Variants in WWTR1 observed in about 807,000 individuals in gnomAD.
The protein encoded by WWTR1 is WW domain containing transcription regulator 1, also known as WW domain-containing transcription regulator protein 1.
A neutral mutation model predicts 40.1 loss-of-function variants in WWTR1; 13 were observed. The ratio of observed to expected loss-of-function variants is 0.32; its 90% CI spans 0.21 to 0.52. WWTR1 has a LOEUF of 0.52. WWTR1 is among the 20% of genes least tolerant of loss of function. The pLI is 0.97. For synonymous variants in WWTR1, 230 were observed against 210.1 expected, an observed-to-expected ratio of 1.09 and a Z score of -0.82; for missense variants, 436 against 523.1, an observed-to-expected ratio of 0.83 and a Z score of 1.63.
chr3:149,532,647 G>C (rs987111652), intron 4 of WWTR1, among the ~76,000 whole-genome samples: 2 of 151,996 alleles, frequency 1.3e-5, no homozygotes, highest in East Asian at 3.8e-4. Flanking sequence ...TACAAAACCC[G>C]AGGTCTGAAA....
intron 1 of WWTR1, among the ~76,000 whole-genome samples, chr3:149,691,674 CA>C (rs201524355): frequency 5.3e-5 from 8 of 149,944 alleles, no homozygotes; most frequent in African/African-American, 1.5e-4. Context: ...AGTATGCCAG[CA>C]AAAAAAAACC....
chr3:149,539,027 T>G (rs139295259), intron 4 of WWTR1, among the ~76,000 whole-genome samples: 16 of 152,348 alleles, frequency 1.1e-4, no homozygotes, highest in African/African-American at 3.6e-4. Flanking sequence ...TTTAGATTTG[T>G]AATCAAAGTT....
intron 2 of WWTR1, among the ~76,000 whole-genome samples, chr3:149,643,879 ACT>A (rs1412162224): frequency 2.0e-5 from 3 of 151,334 alleles, no homozygotes; most frequent in African/African-American, 4.9e-5. Flanking sequence ...TCCACGCACC[ACT>A]CTCTGGATTT....
At chr3:149,630,629 G>A (rs980882846) in intron 2 of WWTR1, among the ~76,000 whole-genome samples, 8 of 152,148 alleles carry the variant, frequency 5.3e-5, no homozygotes, top group Admixed American at 3.9e-4. Flanking sequence ...TGCACTTATT[G>A]GGCAGGTAAA....
intron 4 of WWTR1, among the ~76,000 whole-genome samples, chr3:149,719,471 T>G (rs1715704481): frequency 6.6e-6 from 1 of 152,136 alleles, no homozygotes; most frequent in Non-Finnish European, 1.5e-5. Flanking sequence ...TGCCCAGCCT[T>G]AAGGCTGAAC....
intron 1 of WWTR1, among the ~76,000 whole-genome samples, chr3:149,696,782 T>A (rs1715008257): frequency 6.6e-6 from 1 of 152,184 alleles, no homozygotes; most frequent in South Asian, 2.1e-4. Flanking sequence ...TAGAATGTGA[T>A]CACATCACTC....
chr3:149,709,556 C>T (rs1198622354), intron 5 of WWTR1, among the ~76,000 whole-genome samples: 2 of 152,130 alleles, frequency 1.3e-5, no homozygotes, highest in Non-Finnish European at 2.9e-5. Flanking sequence ...ATTATAACAG[C>T]TGCATTTTTT....
chr3:149,675,249 A>T (rs902006166), intron 1 of WWTR1, among the ~76,000 whole-genome samples: 6 of 152,202 alleles, frequency 3.9e-5, no homozygotes, highest in African/African-American at 1.4e-4. Context: ...CCAGTGACTG[A>T]TTGTTTTTAA....
At chr3:149,594,712 G>GAC (rs571320582) in intron 2 of WWTR1, among the ~76,000 whole-genome samples, 5 of 149,992 alleles carry the variant, frequency 3.3e-5, no homozygotes, top group Admixed American at 2.7e-4. Flanking sequence ...GGGGAAAACA[G>GAC]ACACACACAC....
chr3:149,636,529 T>C (rs1445681794), intron 2 of WWTR1, among the ~76,000 whole-genome samples: 1 of 152,172 alleles, frequency 6.6e-6, no homozygotes, highest in Non-Finnish European at 1.5e-5. Flanking sequence ...TTTTTTAGAA[T>C]TTATAGTCGG....
At chr3:149,521,069 C>G (rs1213643364) in intron 6 of WWTR1, 80 bp from the exon 7 acceptor site, 10 of 1,433,648 alleles carry the variant, frequency 7.0e-6, no homozygotes, top group African/African-American at 1.4e-5. Flanking sequence ...ATTTACATAA[C>G]CCTCACCTTC....
intron 2 of WWTR1, among the ~76,000 whole-genome samples, chr3:149,655,984 A>C (rs1481406352): frequency 6.6e-6 from 1 of 152,080 alleles, no homozygotes; most frequent in Non-Finnish European, 1.5e-5. Context: ...GGCTGGCACA[A>C]CCTCCATCTT....
At chr3:149,695,831 G>T (rs1436623820) in intron 1 of WWTR1, among the ~76,000 whole-genome samples, 1 of 148,714 alleles carries the variant, frequency 6.7e-6, no homozygotes, top group African/African-American at 2.4e-5. Context: ...TCACACAGGA[G>T]GCCGGACGCA....
At chr3:149,634,485 T>C (rs1191448667) in intron 2 of WWTR1, among the ~76,000 whole-genome samples, 1 of 152,244 alleles carries the variant, frequency 6.6e-6, no homozygotes, top group Non-Finnish European at 1.5e-5. Context: ...TCACTCATTT[T>C]TTCCCGTTTA....
At chr3:149,572,557 T>C (rs1330806076) in intron 3 of WWTR1, among the ~76,000 whole-genome samples, 3 of 152,000 alleles carry the variant, frequency 2.0e-5, no homozygotes, top group Non-Finnish European at 4.4e-5. Context: ...GGCAGAAGGG[T>C]AACACGGTAT....
intron 1 of WWTR1, among the ~76,000 whole-genome samples, chr3:149,700,003 C>G (rs1488945190): frequency 1.3e-5 from 2 of 152,198 alleles, no homozygotes; most frequent in Non-Finnish European, 2.9e-5. Context: ...TTATAAAGAA[C>G]AGAGGTTTAA....
intron 2 of WWTR1, among the ~76,000 whole-genome samples, chr3:149,633,556 A>T (rs1170035515): frequency 6.6e-6 from 1 of 152,052 alleles, no homozygotes; most frequent in Non-Finnish European, 1.5e-5. Flanking sequence ...GTCCTTTGGG[A>T]CCCAGCTCAG....
At chr3:149,607,773 C>T (rs1056119849) in intron 2 of WWTR1, among the ~76,000 whole-genome samples, 4 of 152,166 alleles carry the variant, frequency 2.6e-5, no homozygotes, top group Admixed American at 1.3e-4. Context: ...CAACTTTAGG[C>T]GACTGCAAAA....
intron 2 of WWTR1, among the ~76,000 whole-genome samples, chr3:149,646,326 T>C (rs1257141280): frequency 6.6e-6 from 1 of 152,222 alleles, no homozygotes; most frequent in Non-Finnish European, 1.5e-5. Context: ...GTGGATGGCT[T>C]ATACATAGCT....
Sources: allele counts gnomAD v4.1 joint callset (sites outside exome capture counted in the v4.1 genomes callset), GRCh38; gene constraint gnomAD v4.1.1; transcripts MANE v1.5; gene names NCBI Gene and HGNC (gene_info 2026-07-23, HGNC 2026-07-21).